The following PDLIM5 variants were observed in gnomAD, a reference collection of about 807,000 sequenced individuals.
PDLIM5 encodes the protein PDZ and LIM domain 5.
PDLIM5 carries 34 observed loss-of-function variants against 64.2 expected under a neutral mutation model. The observed-to-expected ratio is 0.53, with a 90% CI of 0.40 to 0.71. The LOEUF is 0.71. PDLIM5 is among the 30% of genes least tolerant of loss of function. The pLI is 0.00. For synonymous variants in PDLIM5, 253 were observed against 269.1 expected, an observed-to-expected ratio of 0.94 and a Z score of 0.59; for missense variants, 683 against 733.6, an observed-to-expected ratio of 0.93 and a Z score of 0.80.
At chr4:94,496,723 T>TG (rs1482599054) in intron 2 of PDLIM5, among the ~76,000 whole-genome samples, 5 of 152,172 alleles carry the variant, frequency 3.3e-5, no homozygotes, top group Non-Finnish European at 5.9e-5. Context: ...CTCCTGGGCT[T>TG]GCGTTCCAGT....
At chr4:94,558,340 G>T (rs193199123) in intron 3 of PDLIM5, among the ~76,000 whole-genome samples, 3 of 152,240 alleles carry the variant, frequency 2.0e-5, no homozygotes, top group East Asian at 1.9e-4. Flanking sequence ...TCTTGATATT[G>T]TGCTGTCTCT....
intron 2 of PDLIM5, among the ~76,000 whole-genome samples, chr4:94,487,143 A>C (rs949977136): frequency 1.3e-5 from 2 of 152,210 alleles, no homozygotes; most frequent in African/African-American, 4.8e-5. Context: ...TCTTAACTTG[A>C]AGAAAATAAC....
At chr4:94,582,033 G>A (rs1465106719) in intron 5 of PDLIM5, among the ~76,000 whole-genome samples, 1 of 152,176 alleles carries the variant, frequency 6.6e-6, no homozygotes, top group Non-Finnish European at 1.5e-5. Flanking sequence ...ACAGGAGAGA[G>A]TAAGAAAATT....
chr4:94,507,701 A>G lies in PDLIM5; in HGVS notation c.97-16023A>G, dbSNP rs112003085. ...TAAATGGATTCTAGATTTACCTGCA[A>G]CTTCTGGTAGTGAATTCTTGTTCTC... is the stretch of plus-strand genomic sequence containing the variant. On this transcript the variant is annotated intron_variant, in intron 2 of 12. Transcript: ENST00000317968. 3.9e-5 allele frequency among the ~76,000 whole-genome samples: 6 copies of G among 152,330 alleles called. 1 individual carries two copies. The highest frequency in any genetic ancestry group is 2.1e-4 in the South Asian group (1 of 4,826).
chr4:94,523,978 A>T (rs561662666), intron 3 of PDLIM5, 103 bp downstream of exon 3: 1 of 741,590 alleles, frequency 1.3e-6, no homozygotes, highest in Non-Finnish European at 2.2e-6. Flanking sequence ...TTCTGCTACC[A>T]TCATTTCAGG....
At chr4:94,555,764 A>G (rs1005736050) in intron 3 of PDLIM5, among the ~76,000 whole-genome samples, 7 of 152,034 alleles carry the variant, frequency 4.6e-5, no homozygotes, top group African/African-American at 1.7e-4. Context: ...ATAGGGTAAG[A>G]TAATTTTCAT....
intron 8 of PDLIM5, among the ~76,000 whole-genome samples, chr4:94,632,832 T>C (rs55920670): frequency 0.016 from 2,423 of 152,276 alleles, 58 homozygotes; most frequent in African/African-American, 0.055. Context: ...ACCAGAGAAC[T>C]GGGCAGCCTC....
intron 2 of PDLIM5, among the ~76,000 whole-genome samples, chr4:94,462,369 T>A (rs1317672765): frequency 2.1e-5 from 3 of 145,602 alleles, no homozygotes; most frequent in African/African-American, 8.4e-5. Flanking sequence ...AGAAATACTT[T>A]TTTTTTTGGC....
chr4:94,600,609 G>A (rs1196121577), intron 7 of PDLIM5, among the ~76,000 whole-genome samples: 1 of 152,000 alleles, frequency 6.6e-6, no homozygotes, highest in Non-Finnish European at 1.5e-5. Context: ...ACTACAAAAT[G>A]GCAGATTTTT....
intron 7 of PDLIM5, among the ~76,000 whole-genome samples, chr4:94,596,293 G>C (rs1737062828): frequency 6.6e-6 from 1 of 152,094 alleles, no homozygotes. Flanking sequence ...ATTTATAAAA[G>C]TCAGTGTTCG....
chr4:94,463,057 G>A (rs1388957706), intron 2 of PDLIM5, among the ~76,000 whole-genome samples: 1 of 152,166 alleles, frequency 6.6e-6, no homozygotes, highest in Admixed American at 6.5e-5. Flanking sequence ...TCCATCATTT[G>A]TTTCCCATTT....
chr4:94,514,356 A>G (rs541621221), intron 2 of PDLIM5, among the ~76,000 whole-genome samples: 36 of 151,722 alleles, frequency 2.4e-4, no homozygotes, highest in South Asian at 2.1e-4. Flanking sequence ...GGATGGTCTC[A>G]ATCTCCTGAC....
intron 7 of PDLIM5, chr4:94,611,161 C>G (rs753444258): frequency 1.3e-6 from 2 of 1,534,844 alleles, no homozygotes; most frequent in Non-Finnish European, 1.7e-6. Flanking sequence ...CTGCAGTCCT[C>G]AAGGAAATCA....
rs1326405579 is a variant in PDLIM5, at chr4:94,575,861, G to A, written c.537G>A (p.Leu179=). ...VTPPLFAASG[L]HANANLSADQ... The stretch of plus-strand genomic sequence containing the variant: ...CTCCCCTGTTCGCTGCATCTGGACT[G>A]CATGCTAATGCCAATCTTAGTGCTG... The change falls in exon 5 of 13, where the codon CTG becomes CTA. Residue 179 remains leucine, a synonymous_variant. Transcript: ENST00000317968. 6.2e-7 allele frequency: 1 copy of A among 1,614,142 alleles called. No individual in the cohort carries two copies. The highest frequency in any genetic ancestry group is 1.1e-5 in the South Asian group (1 of 91,082).
chr4:94,607,495 T>A (rs1292722717), intron 7 of PDLIM5, among the ~76,000 whole-genome samples: 4 of 152,202 alleles, frequency 2.6e-5, no homozygotes, highest in Non-Finnish European at 5.9e-5. Context: ...TGCCACCATC[T>A]GTTGTATGAG....
intron 3 of PDLIM5, among the ~76,000 whole-genome samples, chr4:94,542,581 A>G (rs1417401014): frequency 2.0e-5 from 3 of 152,174 alleles, no homozygotes; most frequent in Non-Finnish European, 2.9e-5. Context: ...TCGAGTGGCT[A>G]AAGTGTCTCT....
intron 2 of PDLIM5, among the ~76,000 whole-genome samples, chr4:94,501,158 G>A (rs528444820): frequency 3.6e-4 from 52 of 146,416 alleles, no homozygotes; most frequent in Non-Finnish European, 5.9e-4. Context: ...CTGCAGCCTC[G>A]ACCTCCCAGG....
In PDLIM5 at chr4:94,455,251, T is replaced by A; in HGVS notation, c.-38T>A. 1 of 1,211,462 alleles carries A rather than the reference T, an allele frequency of 8.3e-7. No homozygotes were observed. The highest frequency in any genetic ancestry group is 1.2e-6 in the Non-Finnish European group (1 of 818,416). The allele number at this position is 1,211,462 out of a possible 1,614,324, so 75.0% of individuals were successfully genotyped here. A position where few individuals can be genotyped will look rare whatever the true frequency, so the allele number is the denominator to read the frequency against. On this transcript the variant is annotated 5_prime_UTR_variant, in exon 2 of 13. Transcript: ENST00000317968. The stretch of plus-strand genomic sequence containing the variant: ...TCATCTGATTTTCTTTCACAGCATA[T>A]TTCATTTTCTGTCATTGGACTTTGA...
intron 7 of PDLIM5, among the ~76,000 whole-genome samples, chr4:94,594,611 ACAC>A (rs1385397833): frequency 6.6e-6 from 1 of 152,186 alleles, no homozygotes; most frequent in South Asian, 2.1e-4. Context: ...ACACACACAC[ACAC>A]ATTTATGCCA....
Sources: allele counts gnomAD v4.1 joint callset (sites outside exome capture counted in the v4.1 genomes callset), GRCh38; gene constraint gnomAD v4.1.1; transcripts MANE v1.5; gene names NCBI Gene and HGNC (gene_info 2026-07-23, HGNC 2026-07-21).